ETV6: variants seen among roughly 807,000 people sequenced by gnomAD.
ETV6 encodes transcription factor ETV6.
In ETV6, 16 loss-of-function variants were observed where a neutral mutation model predicts 51.1. That is an observed-to-expected ratio of 0.31 (90% CI 0.21 to 0.48). The LOEUF is 0.48. ETV6 is among the 20% of genes least tolerant of loss of function. The probability of loss-of-function intolerance (pLI) is 0.99; values close to 1 mark genes in which losing one functional copy is unlikely to be tolerated. For synonymous variants in ETV6, 240 were observed against 224.1 expected (o/e 1.07, Z -0.64); for missense variants, 458 against 594.8 (o/e 0.77, Z 2.39).
intron 4 of ETV6, among the ~76,000 whole-genome samples, chr12:11,857,691 AGTGT>A (rs1271783475): frequency 3.9e-5 from 6 of 152,198 alleles, no homozygotes; most frequent in Non-Finnish European, 5.9e-5. Context: ...AACTGGGGTG[AGTGT>A]GTGTGAGTAT....
At chr12:11,886,374 G>A (rs1168088457) in intron 7 of ETV6, among the ~76,000 whole-genome samples, 5 of 152,152 alleles carry the variant, frequency 3.3e-5, no homozygotes, top group South Asian at 2.1e-4. Flanking sequence ...GGTTACCATC[G>A]CTGTAAGGCA....
At chr12:11,730,569 A>T (rs1424437284) in intron 1 of ETV6, among the ~76,000 whole-genome samples, 3 of 151,990 alleles carry the variant, frequency 2.0e-5, no homozygotes, top group African/African-American at 7.3e-5. Context: ...ATAACTGTGG[A>T]CTCTCCTGTG....
Position 11,891,268 on chromosome 12 carries a change from G to A in ETV6, c.*222G>A. ...GAATTCTGGCGGAGGGCATGAGCCTGGGACTCCATGTCACGTTTCCTTCTG... is the reference window on the plus strand; with the variant it reads ...GAATTCTGGCGGAGGGCATGAGCCTAGGACTCCATGTCACGTTTCCTTCTG... On this transcript the variant is annotated 3_prime_UTR_variant, in exon 8 of 8. Coordinates refer to ENST00000396373, the MANE Select transcript of ETV6 (RefSeq NM_001987.5). 1 of 482,154 alleles carries A rather than the reference G, an allele frequency of 2.1e-6. No individual in the cohort carries two copies. Among genetic ancestry groups the A allele is most frequent in the Admixed American group, 3.6e-5 (1 of 27,406 alleles). The allele number at this position is 482,154 out of a possible 1,614,324, so 29.9% of individuals were successfully genotyped here. A position where few individuals can be genotyped will look rare whatever the true frequency, so the allele number is the denominator to read the frequency against.
chr12:11,781,159 A>G (rs1003883593), intron 2 of ETV6, among the ~76,000 whole-genome samples: 2 of 152,220 alleles, frequency 1.3e-5, no homozygotes, highest in African/African-American at 4.8e-5. Context: ...TTATTTTTCA[A>G]TTGCCTTTAA....
chr12:11,694,759 A>G (rs1183938369), intron 1 of ETV6, among the ~76,000 whole-genome samples: 1 of 152,122 alleles, frequency 6.6e-6, no homozygotes, highest in East Asian at 1.9e-4. Flanking sequence ...TGTTTGTCCC[A>G]TCTCTCTCTT....
At chr12:11,866,012 T>C (rs1258808437) in intron 4 of ETV6, among the ~76,000 whole-genome samples, 2 of 152,168 alleles carry the variant, frequency 1.3e-5, no homozygotes, top group Non-Finnish European at 2.9e-5. Context: ...ATTACATGTG[T>C]GTTAGACCAC....
chr12:11,687,172 G>A (rs1463347187), intron 1 of ETV6, among the ~76,000 whole-genome samples: 1 of 150,878 alleles, frequency 6.6e-6, no homozygotes, highest in African/African-American at 2.4e-5. Context: ...AAAGGCATGA[G>A]CCACTGCCCC....
intron 1 of ETV6, among the ~76,000 whole-genome samples, chr12:11,650,481 T>TAAA (rs367594605): frequency 0.041 from 1,759 of 43,134 alleles, 125 homozygotes; most frequent in East Asian, 0.099. Context: ...TTAGTGCGCT[T>TAAA]AAAAAAAAAA....
intron 4 of ETV6, among the ~76,000 whole-genome samples, chr12:11,855,190 C>A (rs1323245328): frequency 6.6e-6 from 1 of 151,782 alleles, no homozygotes; most frequent in Non-Finnish European, 1.5e-5. Flanking sequence ...CCTGTAGTCC[C>A]AGCTACTTGG....
At chr12:11,768,683 G>T (rs1204041206) in intron 2 of ETV6, among the ~76,000 whole-genome samples, 1 of 152,184 alleles carries the variant, frequency 6.6e-6, no homozygotes, top group Non-Finnish European at 1.5e-5. Context: ...TTCCGTTGTG[G>T]AAAATAATAT....
chr12:11,698,548 A>G (rs1186626727), intron 1 of ETV6, among the ~76,000 whole-genome samples: 2 of 152,140 alleles, frequency 1.3e-5, no homozygotes, highest in African/African-American at 2.4e-5. Flanking sequence ...CCTCTGTTCC[A>G]TACTATGTGG....
chr12:11,849,539 G>C (rs1946515526), intron 3 of ETV6, among the ~76,000 whole-genome samples: 1 of 152,214 alleles, frequency 6.6e-6, no homozygotes, highest in Non-Finnish European at 1.5e-5. Flanking sequence ...AAGATGGAGG[G>C]CTGTCTTCAT....
chr12:11,697,986 A>G (rs2120823790), intron 1 of ETV6, among the ~76,000 whole-genome samples: 1 of 152,302 alleles, frequency 6.6e-6, no homozygotes, highest in Admixed American at 6.5e-5. Flanking sequence ...CCTAATTTGA[A>G]AATAAATTGA....
chr12:11,723,441 C>T (rs1565499357), intron 1 of ETV6, among the ~76,000 whole-genome samples: 1 of 152,104 alleles, frequency 6.6e-6, no homozygotes, highest in Non-Finnish European at 1.5e-5. Flanking sequence ...TTTTCCCTTC[C>T]ATTCTTTCTT....
intron 2 of ETV6, among the ~76,000 whole-genome samples, chr12:11,768,002 C>G (rs1945187064): frequency 6.6e-6 from 1 of 152,126 alleles, no homozygotes; most frequent in Admixed American, 6.5e-5. Context: ...CTCCCAGCTG[C>G]TCCAGGGAAC....
rs34458275 is a variant in ETV6 at position 11,667,696 on chromosome 12, ATTTTTTTTTTTTTTT to A, written c.33+17546_33+17560del. ...AGGTGTGTGCCACGATACCTGGCTAATTTTTTTTTTTTTTTTTTTTTTTTGAGATGGAGTCTCACT... is the reference window on the plus strand; with the variant it reads ...AGGTGTGTGCCACGATACCTGGCTAATTTTTTTTTGAGATGGAGTCTCACT... On this transcript the variant is annotated intron_variant, in intron 1 of 7. Transcript: ENST00000396373. Among the ~76,000 whole-genome samples, 43 of 72,996 alleles carry A rather than the reference ATTTTTTTTTTTTTTT, an allele frequency of 5.9e-4. No homozygotes were observed. In the South Asian group the frequency reaches 0.026, roughly 44 times the overall value. 47.9% of individuals were successfully genotyped at this position (72,996 alleles called of 152,430 possible).
rs551351831 is a variant in ETV6, at chr12:11,887,213, G to T, written c.1253+1187G>T. Among the ~76,000 whole-genome samples, 19 of 152,196 alleles carry T rather than the reference G, an allele frequency of 1.2e-4. No homozygotes were observed. In the South Asian group the frequency reaches 3.9e-3, roughly 32 times the overall value. ...CTTTTCTTCATCCTTCAACCTAAACGCAGTCCTTGGCTCCCTTTCTTCCCA... is the reference window on the plus strand; with the variant it reads ...CTTTTCTTCATCCTTCAACCTAAACTCAGTCCTTGGCTCCCTTTCTTCCCA... On this transcript the variant is annotated intron_variant, in intron 7 of 7. Transcript: ENST00000396373.
chr12:11,793,097 A>T (rs541057032), intron 2 of ETV6, among the ~76,000 whole-genome samples: 2 of 152,124 alleles, frequency 1.3e-5, no homozygotes, highest in African/African-American at 4.8e-5. Flanking sequence ...AAACCTTAAC[A>T]TATTCTCTGT....
intron 2 of ETV6, among the ~76,000 whole-genome samples, chr12:11,784,259 G>A (rs1220697632): frequency 3.9e-5 from 6 of 151,978 alleles, no homozygotes; most frequent in Admixed American, 2.0e-4. Context: ...TTGAAACCCC[G>A]TCTTCACTAA....
Sources: gnomAD v4.1 joint callset for allele counts (sites outside exome capture counted in the v4.1 genomes callset) on GRCh38, gnomAD v4.1.1 for gene constraint, MANE v1.5 for transcripts, NCBI Gene and HGNC (gene_info 2026-07-23, HGNC 2026-07-21) for gene names.